Variants in PLCH1 observed in about 807,000 individuals in gnomAD.
PLCH1 encodes 1-phosphatidylinositol 4,5-bisphosphate phosphodiesterase eta-1.
In PLCH1, 60 loss-of-function variants were observed where a neutral mutation model predicts 126.7. The observed-to-expected ratio is 0.47, with a 90% CI of 0.38 to 0.59. The LOEUF (loss-of-function observed/expected upper bound fraction) is 0.59. Ranked by LOEUF, PLCH1 falls within the 20% of genes least tolerant of loss-of-function variation. The pLI, the probability that PLCH1 is intolerant of heterozygous loss-of-function variation, is 0.00. For missense variants in PLCH1, 1,723 were observed against 2,040.0 expected (o/e 0.84, Z 2.99); for synonymous variants, 719 against 734.9 (o/e 0.98, Z 0.35).
chr3:155,654,341 G>C (rs1741117283), intron 2 of PLCH1, among the ~76,000 whole-genome samples: 1 of 151,866 alleles, frequency 6.6e-6, no homozygotes, highest in Non-Finnish European at 1.5e-5. Flanking sequence ...ATCCTAGCAA[G>C]TACCATGATT....
rs369581171 is a variant in PLCH1 at position 155,714,671 on chromosome 3, C to T, written c.-40-10407G>A. Among the ~76,000 whole-genome samples the T allele has an allele frequency of 3.0e-4, 46 of 152,206 alleles. No individual in the cohort carries two copies. The East Asian group carries it at 7.7e-3, about 26-fold the overall frequency. On this transcript the variant is annotated intron_variant, in intron 1 of 22. Transcript: ENST00000460012. Reference sequence around the variant, plus strand: ...GCTCTGAGCTAGTTAAGCAATGAGGCGCAATCGACCCTCCAAAGACACCCG... The same window carrying T: ...GCTCTGAGCTAGTTAAGCAATGAGGTGCAATCGACCCTCCAAAGACACCCG...
rs1716449519 is a variant in PLCH1, at chr3:155,492,872, A to T, written c.2183-19T>A. 6.4e-7 allele frequency: 1 copy of T among 1,563,424 alleles called. No individual in the cohort carries two copies. The highest frequency in any genetic ancestry group is 1.4e-5 in the African/African-American group (1 of 72,644). On this transcript the variant is annotated intron_variant, in intron 17 of 22. Coordinates refer to ENST00000460012, the MANE Select transcript of PLCH1 (RefSeq NM_014996.4). Reference sequence around the variant, plus strand: ...AAAGTACCTAGGCCAAGTAAAGTATAAGTTGGTAACATAAGAAGAAACACA... The same window carrying T: ...AAAGTACCTAGGCCAAGTAAAGTATTAGTTGGTAACATAAGAAGAAACACA...
chr3:155,713,620 C>T (rs1307783362), intron 1 of PLCH1, among the ~76,000 whole-genome samples: 1 of 152,158 alleles, frequency 6.6e-6, no homozygotes, highest in Non-Finnish European at 1.5e-5. Context: ...AAAGGAATTA[C>T]TAGTTCATGG....
At chr3:155,585,857 G>C (rs999739331) in intron 5 of PLCH1, among the ~76,000 whole-genome samples, 2 of 152,180 alleles carry the variant, frequency 1.3e-5, no homozygotes, top group South Asian at 2.1e-4. Flanking sequence ...TAACAAAAAA[G>C]CGTTTTAGGA....
chr3:155,537,215 A>AAAAAAAAAAAAAAAAAAAC (rs1723531607), intron 10 of PLCH1, among the ~76,000 whole-genome samples: 1 of 9,168 alleles, frequency 1.1e-4, no homozygotes, highest in African/African-American at 1.7e-4. Flanking sequence ...AAAAAAAAAA[A>AAAAAAAAAAAAAAAAAAAC]AAAAAAAAAA....
intron 12 of PLCH1, among the ~76,000 whole-genome samples, chr3:155,510,249 C>T (rs1437856206): frequency 9.4e-6 from 1 of 106,856 alleles, no homozygotes; most frequent in Admixed American, 9.5e-5. Context: ...CTATGTGTGT[C>T]TCTGCACGTG....
intron 2 of PLCH1, chr3:155,676,443 G>A (rs1744095917): frequency 2.0e-6 from 2 of 981,782 alleles, no homozygotes; most frequent in Non-Finnish European, 2.4e-6. Context: ...GGAAGTGTAG[G>A]TCTTTATCCA....
At chr3:155,610,584 T>G (rs7641141) in intron 2 of PLCH1, among the ~76,000 whole-genome samples, 73,617 of 151,642 alleles carry the variant, frequency 0.49, 20,250 homozygotes, top group African/African-American at 0.74. Context: ...AAGATAATTA[T>G]CAGCCAAGAA....
chr3:155,695,625 T>C (rs1319314212), intron 2 of PLCH1, among the ~76,000 whole-genome samples: 2 of 152,282 alleles, frequency 1.3e-5, no homozygotes, highest in African/African-American at 4.8e-5. Flanking sequence ...TCTGCTCTCC[T>C]GGACCTTGGG....
intron 10 of PLCH1, among the ~76,000 whole-genome samples, chr3:155,548,891 G>T (rs1161078230): frequency 6.6e-6 from 1 of 152,140 alleles, no homozygotes; most frequent in Non-Finnish European, 1.5e-5. Flanking sequence ...TCCATGTGCT[G>T]CTCTCCCTTA....
intron 2 of PLCH1, among the ~76,000 whole-genome samples, chr3:155,605,122 C>T (rs926146089): frequency 1.3e-5 from 2 of 152,156 alleles, no homozygotes; most frequent in Non-Finnish European, 2.9e-5. Context: ...GTTTTATGTC[C>T]TGGGGAGCAT....
intron 2 of PLCH1, among the ~76,000 whole-genome samples, chr3:155,603,600 C>A (rs1734013448): frequency 6.6e-6 from 1 of 152,098 alleles, no homozygotes; most frequent in African/African-American, 2.4e-5. Context: ...TCCTACTTTC[C>A]TCAACCTAAA....
chr3:155,473,365 C>T (rs1157522833), intron 21 of PLCH1, among the ~76,000 whole-genome samples: 1 of 152,172 alleles, frequency 6.6e-6, no homozygotes, highest in East Asian at 1.9e-4. Flanking sequence ...ATCCAACTTA[C>T]AAGGGACGTG....
At chr3:155,621,328 A>C (rs1383584855) in intron 2 of PLCH1, among the ~76,000 whole-genome samples, 3 of 152,220 alleles carry the variant, frequency 2.0e-5, no homozygotes, top group Non-Finnish European at 4.4e-5. Context: ...AAACGACTGA[A>C]AATTCCAAAA....
chr3:155,741,684 C>CTTTTATTTTTATTTTTTT, intron 1 of PLCH1, among the ~76,000 whole-genome samples: 1 of 102,868 alleles, frequency 9.7e-6, no homozygotes, highest in African/African-American at 4.8e-5. Flanking sequence ...TTTATATCCT[C>CTTTTATTTTTATTTTTTT]TTTTTTTTTT....
chr3:155,540,826 C>G (rs1013225791), intron 10 of PLCH1, among the ~76,000 whole-genome samples: 4 of 152,106 alleles, frequency 2.6e-5, no homozygotes, highest in African/African-American at 9.7e-5. Flanking sequence ...TTATGGAAAA[C>G]AGTGGAGATT....
intron 15 of PLCH1, among the ~76,000 whole-genome samples, chr3:155,496,150 C>A (rs140849876): frequency 1.3e-5 from 2 of 152,116 alleles, no homozygotes; most frequent in African/African-American, 4.8e-5. Context: ...ATCTAGTTTT[C>A]ATTTTGTGGC....
chr3:155,592,170 CT>C (rs1194695776), intron 4 of PLCH1, among the ~76,000 whole-genome samples: 90 of 95,396 alleles, frequency 9.4e-4, no homozygotes, highest in East Asian at 5.9e-3. Context: ...TTTCTTTTCT[CT>C]TTTAAAAAAA....
At chr3:155,468,730 T>C (rs1307634758) in intron 21 of PLCH1, among the ~76,000 whole-genome samples, 1 of 152,110 alleles carries the variant, frequency 6.6e-6, no homozygotes, top group African/African-American at 2.4e-5. Flanking sequence ...TTTAAACATA[T>C]ATGTTTAAAC....
Sources: allele counts gnomAD v4.1 joint callset (sites outside exome capture counted in the v4.1 genomes callset), GRCh38; gene constraint gnomAD v4.1.1; transcripts MANE v1.5; gene names NCBI Gene and HGNC (gene_info 2026-07-23, HGNC 2026-07-21).